Variants in CSMD1 observed in about 807,000 individuals in gnomAD.
CSMD1 encodes CUB and sushi domain-containing protein 1.
CSMD1 carries 213 observed loss-of-function variants against 417.5 expected under a neutral mutation model. That is an observed-to-expected ratio of 0.51 (90% CI 0.46 to 0.57). CSMD1 has a LOEUF of 0.57. Among genes scored for constraint, CSMD1 ranks in the 20% least tolerant of loss-of-function variants. CSMD1 has a pLI of 0.00. For synonymous variants in CSMD1, 2,862 were observed against 1,736.8 expected (o/e 1.65, Z -16.11); for missense variants, 6,923 against 4,529.7 (o/e 1.53, Z -15.17).
rs185346413 is a variant in CSMD1, at chr8:4,971,299, A to T, written c.85+23033T>A. ...AATGCTCTCAACATGGATTTTCTAC[A>T]CATTCATGCTTAAATCATGAATTAA... is the stretch of plus-strand genomic sequence containing the variant. On this transcript the variant is annotated intron_variant, in intron 1 of 69. Transcript: ENST00000635120. Among the ~76,000 whole-genome samples the T allele has an allele frequency of 8.5e-5, 13 of 152,250 alleles. 1 individual carries two copies. In the East Asian group the frequency reaches 2.5e-3, roughly 29 times the overall value.
At chr8:3,025,407 C>T (rs1448349055) in intron 51 of CSMD1, among the ~76,000 whole-genome samples, 38 of 120,574 alleles carry the variant, frequency 3.2e-4, no homozygotes, top group African/African-American at 4.7e-4. Context: ...ATTCTGAAAC[C>T]GTGTATTGTG....
At chr8:4,076,426 G>C (rs979578088) in intron 3 of CSMD1, among the ~76,000 whole-genome samples, 1 of 152,110 alleles carries the variant, frequency 6.6e-6, no homozygotes, top group Non-Finnish European at 1.5e-5. Context: ...AATAAGCATA[G>C]ACTTTCTCTG....
chr8:3,637,331 T>C (rs765096468), intron 7 of CSMD1, among the ~76,000 whole-genome samples: 2 of 152,158 alleles, frequency 1.3e-5, no homozygotes, highest in African/African-American at 2.4e-5. Context: ...AGATCCTTTA[T>C]CTGTAGAATG....
intron 5 of CSMD1, among the ~76,000 whole-genome samples, chr8:3,811,427 G>A (rs148293796): frequency 1.4e-3 from 213 of 152,204 alleles, no homozygotes; most frequent in African/African-American, 4.1e-3. Context: ...CTTCATGTTC[G>A]ACTTACTGGG....
At chr8:3,033,104 T>TA (rs36004349) in intron 50 of CSMD1, among the ~76,000 whole-genome samples, 29,858 of 151,852 alleles carry the variant, frequency 0.2, 3,753 homozygotes, top group Non-Finnish European at 0.27. Flanking sequence ...ACAGTTTCTA[T>TA]AAAAAAAATT....
chr8:4,960,371 G>A (rs186528827), intron 1 of CSMD1, among the ~76,000 whole-genome samples: 2 of 152,270 alleles, frequency 1.3e-5, no homozygotes, highest in Admixed American at 6.5e-5. Context: ...TCACTATGAT[G>A]ATGTAAATTT....
At chr8:3,325,268 TACAATC>T (rs1806451052) in intron 23 of CSMD1, among the ~76,000 whole-genome samples, 1 of 152,224 alleles carries the variant, frequency 6.6e-6, no homozygotes, top group Admixed American at 6.5e-5. Context: ...GACTGACTAA[TACAATC>T]ACAATCACTT....
At chr8:3,469,434 C>G (rs78092501) in intron 11 of CSMD1, among the ~76,000 whole-genome samples, 1 of 152,064 alleles carries the variant, frequency 6.6e-6, no homozygotes, top group African/African-American at 2.4e-5. Context: ...ACACTCCCCC[C>G]GCATATTAAT....
chr8:4,191,906 G>T (rs946144532), intron 3 of CSMD1, among the ~76,000 whole-genome samples: 3 of 152,180 alleles, frequency 2.0e-5, no homozygotes, highest in African/African-American at 7.2e-5. Context: ...GATGAGGAAA[G>T]AAAGTGAGCA....
chr8:4,578,927 A>C (rs560959891), intron 2 of CSMD1, among the ~76,000 whole-genome samples: 1 of 152,054 alleles, frequency 6.6e-6, no homozygotes, highest in South Asian at 2.1e-4. Flanking sequence ...CCATGTGGAA[A>C]AATATTAAAT....
chr8:4,457,117 A>G (rs754452955), intron 2 of CSMD1, among the ~76,000 whole-genome samples: 7 of 152,062 alleles, frequency 4.6e-5, no homozygotes, highest in Non-Finnish European at 7.3e-5. Flanking sequence ...TGTGTTTCTT[A>G]CTGTGAAAGA....
At chr8:4,636,529 G>A (rs1200901169) in intron 2 of CSMD1, among the ~76,000 whole-genome samples, 1 of 152,038 alleles carries the variant, frequency 6.6e-6, no homozygotes, top group African/African-American at 2.4e-5. Context: ...GGTTCATTTT[G>A]TTCTGATTAG....
chr8:4,433,092 T>C (rs1163833995), intron 2 of CSMD1, among the ~76,000 whole-genome samples: 2 of 152,192 alleles, frequency 1.3e-5, no homozygotes. Flanking sequence ...TGATGATCTG[T>C]CATTGTCTCC....
At chr8:4,850,388 T>A (rs1388212086) in intron 1 of CSMD1, among the ~76,000 whole-genome samples, 13 of 148,870 alleles carry the variant, frequency 8.7e-5, no homozygotes, top group African/African-American at 2.9e-4. Flanking sequence ...TTATCTTTTT[T>A]TTTTTTTTTT....
At chr8:3,217,712 A>G (rs1797960354) in intron 29 of CSMD1, among the ~76,000 whole-genome samples, 1 of 152,190 alleles carries the variant, frequency 6.6e-6, no homozygotes, top group East Asian at 1.9e-4. Context: ...GCTAAATTGT[A>G]TAATTTTTAA....
At chr8:3,576,950 T>C (rs1800175384) in intron 9 of CSMD1, among the ~76,000 whole-genome samples, 3 of 152,266 alleles carry the variant, frequency 2.0e-5, no homozygotes, top group Admixed American at 2.0e-4. Flanking sequence ...GTAGCGTTCA[T>C]AAATATTTGC....
chr8:3,722,720 G>A (rs1487029598), intron 6 of CSMD1, among the ~76,000 whole-genome samples: 2 of 152,160 alleles, frequency 1.3e-5, no homozygotes, highest in Admixed American at 6.5e-5. Flanking sequence ...GATTACAAGC[G>A]AAAACTCTTG....
At chr8:3,696,625 C>T (rs898294715) in intron 7 of CSMD1, among the ~76,000 whole-genome samples, 9 of 152,228 alleles carry the variant, frequency 5.9e-5, no homozygotes, top group East Asian at 1.9e-4. Context: ...AAGATTGAAA[C>T]GTCATCATTA....
chr8:4,951,732 T>C (rs1378501037), intron 1 of CSMD1, among the ~76,000 whole-genome samples: 1 of 151,764 alleles, frequency 6.6e-6, no homozygotes, highest in African/African-American at 2.4e-5. Flanking sequence ...ATATTAATAA[T>C]GTTACTCACA....
Sources: gnomAD v4.1 joint callset for allele counts (sites outside exome capture counted in the v4.1 genomes callset) on GRCh38, gnomAD v4.1.1 for gene constraint, MANE v1.5 for transcripts, NCBI Gene and HGNC (gene_info 2026-07-23, HGNC 2026-07-21) for gene names.